The following GDA variants were observed in gnomAD, a reference collection of about 807,000 sequenced individuals.
GDA encodes guanine deaminase, also known as cytoplasmic PSD-95 interactor.
Under a neutral mutation model 59.6 loss-of-function variants are expected in GDA, and 18 were observed. That is an observed-to-expected ratio of 0.30 (90% CI 0.21 to 0.45). The LOEUF is 0.45. GDA is among the 20% of genes least tolerant of loss of function. The pLI is 1.00. For missense variants in GDA, 427 were observed against 552.3 expected, an observed-to-expected ratio of 0.77 and a Z score of 2.27; for synonymous variants, 201 against 201.1, an observed-to-expected ratio of 1.00 and a Z score of 0.00.
At chr9:72,181,615 G>A (rs557481794) in intron 1 of GDA, among the ~76,000 whole-genome samples, 6 of 152,200 alleles carry the variant, frequency 3.9e-5, no homozygotes, top group African/African-American at 7.2e-5. Flanking sequence ...GTGAGCCACC[G>A]CGCCTGGCCT....
chr9:72,166,330 C>T (rs992887901), intron 1 of GDA, among the ~76,000 whole-genome samples: 1 of 148,980 alleles, frequency 6.7e-6, no homozygotes, highest in African/African-American at 2.5e-5. Flanking sequence ...CGCCAGTGTC[C>T]TCACTCATAT....
At chr9:72,127,676 C>G (rs1042373895) in intron 1 of GDA, among the ~76,000 whole-genome samples, 1 of 150,710 alleles carries the variant, frequency 6.6e-6, no homozygotes, top group African/African-American at 2.4e-5. Context: ...AAAATCTTTT[C>G]TGGGAGAATC....
At chr9:72,144,857 G>A (rs975396661), upstream of GDA, among the ~76,000 whole-genome samples, 3 of 151,070 alleles carry the variant, frequency 2.0e-5, no homozygotes, top group Admixed American at 6.6e-5. Flanking sequence ...TAAAAGGAAC[G>A]CATTTATCCC....
intron 10 of GDA, among the ~76,000 whole-genome samples, chr9:72,233,958 T>G (rs1838668803): frequency 6.6e-6 from 1 of 152,002 alleles, no homozygotes. Flanking sequence ...AATAAATAAA[T>G]GAAAGAATTG....
chr9:72,178,341 T>C (rs548671947), intron 1 of GDA, among the ~76,000 whole-genome samples: 2 of 152,160 alleles, frequency 1.3e-5, no homozygotes, highest in Non-Finnish European at 2.9e-5. Flanking sequence ...TATTGGAAAT[T>C]TATGTACATC....
At chr9:72,219,620 A>G in intron 6 of GDA, 114 bp downstream of exon 6, 1 of 674,492 alleles carries the variant, frequency 1.5e-6, no homozygotes, top group African/African-American at 1.8e-5. Flanking sequence ...TCATGCATGT[A>G]GAAGTATTTA....
chr9:72,195,673 T>A, intron 2 of GDA, 85 bp downstream of exon 2: 1 of 461,726 alleles, frequency 2.2e-6, no homozygotes, highest in East Asian at 3.6e-5. Context: ...AGAGAGACTT[T>A]AAAAAATAAT....
chr9:72,147,461 C>T (rs1180345328), upstream of GDA, among the ~76,000 whole-genome samples: 2 of 152,240 alleles, frequency 1.3e-5, no homozygotes, highest in Non-Finnish European at 2.9e-5. Context: ...GCCTCGGCCT[C>T]CCAAAGTGTT....
At chr9:72,226,033 G>A (rs1564128529) in intron 8 of GDA, among the ~76,000 whole-genome samples, 2 of 151,278 alleles carry the variant, frequency 1.3e-5, no homozygotes, top group Non-Finnish European at 2.9e-5. Context: ...GTGTGTGTGT[G>A]TAGTTAAAAA....
Position 72,149,479 on chromosome 9 carries a change from G to A in GDA, c.-81G>A. 2 of 1,533,580 alleles carry A rather than the reference G, an allele frequency of 1.3e-6. No individual in the cohort carries two copies. Among genetic ancestry groups the A allele is most frequent in the Non-Finnish European group, 1.8e-6 (2 of 1,136,686 alleles). The allele number at this position is 1,533,580 out of a possible 1,614,324, so 95.0% of individuals were successfully genotyped here. A position where few individuals can be genotyped will look rare whatever the true frequency, so the allele number is the denominator to read the frequency against. ...GCCTGTGTCCGCCCGGCAGCCGCCC[G>A]CAGCTGCAGAGAGTCCCGCTGCGTC... is the stretch of plus-strand genomic sequence containing the variant. On this transcript the variant is annotated 5_prime_UTR_variant, in exon 1 of 14. Coordinates refer to ENST00000358399, the MANE Select transcript of GDA (RefSeq NM_004293.5).
Position 72,149,664 on chromosome 9 carries a change from C to T in GDA, c.105C>T (p.Gly35=), listed in dbSNP as rs763025645. ...AGGTGCTGCGGGATCACCTCCTCGG[C>T]GTGAGCGACAGCGGCAAAGTAAGCA... ...PMEVLRDHLL[G]VSDSGKIVFL... Residue 35 remains glycine, a synonymous_variant, in exon 1 of 14, where the codon GGC becomes GGT. Transcript: ENST00000358399. The T allele has an allele frequency of 6.2e-7, 1 of 1,601,806 alleles. No individual in the cohort carries two copies. Among genetic ancestry groups the T allele is most frequent in the South Asian group, 1.1e-5 (1 of 90,200 alleles).
intron 1 of GDA, among the ~76,000 whole-genome samples, chr9:72,124,992 C>A (rs1276417729): frequency 6.6e-6 from 1 of 152,144 alleles, no homozygotes; most frequent in African/African-American, 2.4e-5. Flanking sequence ...TTCTTTAAAA[C>A]AAATGAATAC....
intron 1 of GDA, among the ~76,000 whole-genome samples, chr9:72,194,900 G>C (rs1371970128): frequency 6.6e-6 from 1 of 152,126 alleles, no homozygotes. Context: ...TTTTCTTTCT[G>C]CTATAACAGA....
intron 1 of GDA, among the ~76,000 whole-genome samples, chr9:72,192,677 C>G (rs146448321): frequency 0.075 from 11,340 of 151,024 alleles, 559 homozygotes; most frequent in Non-Finnish European, 0.1. Flanking sequence ...GTCAGGAGAT[C>G]GAGACCATCC....
intron 1 of GDA, among the ~76,000 whole-genome samples, chr9:72,139,544 G>C (rs760213442): frequency 6.6e-6 from 1 of 152,184 alleles, no homozygotes; most frequent in Non-Finnish European, 1.5e-5. Flanking sequence ...TCCAGGCCAA[G>C]TGCAGTAGCT....
At chr9:72,149,259 T>G (rs1826838232), upstream of GDA, 1 of 399,498 alleles carries the variant, frequency 2.5e-6, no homozygotes, top group African/African-American at 2.2e-5. Flanking sequence ...CTGTGGTTGA[T>G]CTTGATAACT....
rs1057453778 is a variant in GDA at position 72,245,604 on chromosome 9, G to C, written c.1266+326G>C. On this transcript the variant is annotated intron_variant, in intron 12 of 13. Coordinates refer to ENST00000358399, the MANE Select transcript of GDA (RefSeq NM_004293.5). ...GGCACTTCCATACCTAATTTTGTTC[G>C]ATCATCAGAGCAACTCTAAGAGAGT... is the stretch of plus-strand genomic sequence containing the variant. Among the ~76,000 whole-genome samples the C allele has an allele frequency of 3.3e-5, 5 of 152,216 alleles. No individual in the cohort carries two copies. The East Asian group carries it at 9.7e-4, about 29-fold the overall frequency.
At position 72,248,724 on chromosome 9, in the gene GDA, A is replaced by G; in HGVS notation, c.*382A>G. On this transcript the variant is annotated 3_prime_UTR_variant, in exon 14 of 14. Coordinates refer to ENST00000358399, the MANE Select transcript of GDA (RefSeq NM_004293.5). ...GATATTTTGAGCTAATAATTGCAAA[A>G]ATTAGAAGACTGAAAATGGACCCAT... 9.9e-7 allele frequency: 1 copy of G among 1,007,804 alleles called. No homozygotes were observed. The highest frequency in any genetic ancestry group is 1.2e-6 in the Non-Finnish European group (1 of 841,726). 62.4% of individuals were successfully genotyped at this position (1,007,804 alleles called of 1,614,324 possible).
chr9:72,237,072 G>T (rs1000005537), intron 10 of GDA, among the ~76,000 whole-genome samples: 2 of 151,782 alleles, frequency 1.3e-5, no homozygotes, highest in South Asian at 4.1e-4. Flanking sequence ...AAGCCACCAC[G>T]CCTGGCACAA....
Sources: allele counts gnomAD v4.1 joint callset (sites outside exome capture counted in the v4.1 genomes callset), GRCh38; gene constraint gnomAD v4.1.1; transcripts MANE v1.5; gene names NCBI Gene and HGNC (gene_info 2026-07-23, HGNC 2026-07-21).